SGIP1: variants seen among roughly 807,000 people sequenced by gnomAD.
SGIP1 encodes SH3GL interacting endocytic adaptor 1, also known as SH3-containing GRB2-like protein 3-interacting protein 1.
In SGIP1, 38 loss-of-function variants were observed where a neutral mutation model predicts 107.5. That is an observed-to-expected ratio of 0.35 (90% CI 0.27 to 0.46). The LOEUF (loss-of-function observed/expected upper bound fraction) is 0.46. Ranked by LOEUF, SGIP1 falls within the 20% of genes least tolerant of loss-of-function variation. The pLI is 1.00. For synonymous variants in SGIP1, 365 were observed against 366.1 expected (o/e 1.00, Z 0.03); for missense variants, 929 against 1,019.5 (o/e 0.91, Z 1.21).
intron 4 of SGIP1, among the ~76,000 whole-genome samples, chr1:66,636,864 C>T (rs1224392690): frequency 6.6e-6 from 1 of 152,136 alleles, no homozygotes; most frequent in East Asian, 1.9e-4. Context: ...TTAACTGTCA[C>T]TATATTTATC....
intron 1 of SGIP1, among the ~76,000 whole-genome samples, chr1:66,609,412 G>A (rs936765467): frequency 6.6e-6 from 1 of 152,140 alleles, no homozygotes; most frequent in Admixed American, 6.5e-5. Flanking sequence ...CCAAACAGAA[G>A]CAAATATGTA....
Position 66,654,338 on chromosome 1 carries a change from TA to T in SGIP1, c.460-6173del, listed in dbSNP as rs139976831. 1.3e-3 allele frequency among the ~76,000 whole-genome samples: 193 copies of T among 152,310 alleles called. 2 individuals carry two copies. Among genetic ancestry groups the T allele is most frequent in the South Asian group, 7.5e-3 (36 of 4,828 alleles). ...GTGTAGGTTCTTTAAAAAAGTTTGT[TA>T]ATGTGTTCTTTTCTGTGGGTCCTAG... On this transcript the variant is annotated intron_variant, in intron 7 of 24. Transcript: ENST00000371037.
chr1:66,706,419 T>G (rs1368215218), intron 18 of SGIP1, among the ~76,000 whole-genome samples: 1 of 145,320 alleles, frequency 6.9e-6, no homozygotes, highest in Non-Finnish European at 1.5e-5. Context: ...AATAAATATA[T>G]ATGATATAAT....
At chr1:66,611,838 A>AC (rs1257887778) in intron 1 of SGIP1, among the ~76,000 whole-genome samples, 2 of 152,160 alleles carry the variant, frequency 1.3e-5, no homozygotes, top group Non-Finnish European at 2.9e-5. Flanking sequence ...TGGCAAAAGA[A>AC]CTGGCTGGGG....
chr1:66,693,589 G>T (rs1362221276), intron 17 of SGIP1, among the ~76,000 whole-genome samples: 2 of 152,098 alleles, frequency 1.3e-5, no homozygotes, highest in Non-Finnish European at 2.9e-5. Flanking sequence ...TCTTTGTACA[G>T]ATTTTATTCA....
At chr1:66,691,990 C>G (rs1474365029) in intron 17 of SGIP1, among the ~76,000 whole-genome samples, 1 of 152,054 alleles carries the variant, frequency 6.6e-6, no homozygotes, top group African/African-American at 2.4e-5. Context: ...GAAACCCCAT[C>G]TCTACTAAAA....
chr1:66,731,667 C>A (rs1480874183), intron 20 of SGIP1, among the ~76,000 whole-genome samples: 1 of 152,082 alleles, frequency 6.6e-6, no homozygotes, highest in Non-Finnish European at 1.5e-5. Context: ...AGTGCCACTC[C>A]ACTACCTCAA....
chr1:66,689,250 C>T lies in SGIP1; in HGVS notation c.1418C>T (p.Pro473Leu). 1 of 1,613,658 alleles carries T rather than the reference C, an allele frequency of 6.2e-7. No homozygotes were observed. The highest frequency in any genetic ancestry group is 1.1e-5 in the South Asian group (1 of 90,976). The change falls in exon 16 of 25, where the codon CCA (proline) becomes CTA (leucine). Residue 473 changes from proline to leucine, a missense_variant. Pro to Leu is a moderately conservative substitution (Grantham distance 98). Coordinates refer to ENST00000371037, the MANE Select transcript of SGIP1 (RefSeq NM_032291.4). ...PRPPSRPKLP[P>L]GKPGVGDVSR... is the part of the protein sequence containing the mutation. The stretch of plus-strand genomic sequence containing the variant: ...CCTCCATCCCGGCCAAAGCTACCTC[C>T]AGGAAAACCTGGAGTTGGAGATGTG...
At chr1:66,677,650 G>A (rs769476625) in intron 13 of SGIP1, among the ~76,000 whole-genome samples, 2 of 152,180 alleles carry the variant, frequency 1.3e-5, no homozygotes, top group Middle Eastern at 3.2e-3. Flanking sequence ...TGACCCAGGC[G>A]TCTGGGAAAG....
chr1:66,637,848 TATACATACACAC>T (rs1035491418), intron 4 of SGIP1, among the ~76,000 whole-genome samples: 1 of 150,394 alleles, frequency 6.6e-6, no homozygotes, highest in African/African-American at 2.4e-5. Flanking sequence ...TACACACATA[TATACATACACAC>T]ATACATACAC....
chr1:66,561,437 A>G (rs1208436667), intron 1 of SGIP1, among the ~76,000 whole-genome samples: 2 of 152,020 alleles, frequency 1.3e-5, no homozygotes, highest in African/African-American at 2.4e-5. Context: ...AATCTACTCT[A>G]TATCAGAAAA....
intron 14 of SGIP1, among the ~76,000 whole-genome samples, chr1:66,680,463 A>G (rs2086439080): frequency 6.6e-6 from 1 of 152,172 alleles, no homozygotes; most frequent in Non-Finnish European, 1.5e-5. Context: ...TCACCTTCGG[A>G]ATTCTGTTGC....
intron 1 of SGIP1, among the ~76,000 whole-genome samples, chr1:66,609,289 A>G (rs1352874941): frequency 5.3e-5 from 8 of 152,328 alleles, no homozygotes; most frequent in Middle Eastern, 3.4e-3. Context: ...AAAAATATCC[A>G]TTTTGAAATC....
chr1:66,610,598 G>A (rs535795297), intron 1 of SGIP1, among the ~76,000 whole-genome samples: 2 of 152,186 alleles, frequency 1.3e-5, no homozygotes, highest in South Asian at 2.1e-4. Context: ...TACAAGAACA[G>A]GAACTTTTTG....
chr1:66,675,379 A>G (rs2084954247), intron 12 of SGIP1, among the ~76,000 whole-genome samples: 1 of 151,972 alleles, frequency 6.6e-6, no homozygotes, highest in Non-Finnish European at 1.5e-5. Flanking sequence ...TCTTTAGATG[A>G]TTTCAGCCCC....
chr1:66,658,993 A>C (rs1270883160), intron 7 of SGIP1, among the ~76,000 whole-genome samples: 1 of 152,192 alleles, frequency 6.6e-6, no homozygotes, highest in Non-Finnish European at 1.5e-5. Context: ...CACATCCAAG[A>C]GAGCCAGGAG....
At chr1:66,552,941 A>G (rs2057642334) in intron 1 of SGIP1, among the ~76,000 whole-genome samples, 2 of 152,250 alleles carry the variant, frequency 1.3e-5, no homozygotes, top group South Asian at 4.1e-4. Flanking sequence ...CTCATTCCCT[A>G]ATTTTCAAGC....
At chr1:66,568,969 G>GATGATGCTC (rs1275420338) in intron 1 of SGIP1, among the ~76,000 whole-genome samples, 1 of 151,828 alleles carries the variant, frequency 6.6e-6, no homozygotes, top group Non-Finnish European at 1.5e-5. Context: ...AATAATAAAT[G>GATGATGCTC]ATGATGCTCA....
At chr1:66,709,244 T>C (rs746359161) in intron 18 of SGIP1, among the ~76,000 whole-genome samples, 1 of 144,416 alleles carries the variant, frequency 6.9e-6, no homozygotes, top group Non-Finnish European at 1.5e-5. Context: ...TGTGTTCTCA[T>C]TGGAGAACTG....
Sources: allele counts gnomAD v4.1 joint callset (sites outside exome capture counted in the v4.1 genomes callset), GRCh38; gene constraint gnomAD v4.1.1; transcripts MANE v1.5; gene names NCBI Gene and HGNC (gene_info 2026-07-23, HGNC 2026-07-21).